ZNF407: variants seen among roughly 807,000 people sequenced by gnomAD.
ZNF407 encodes the protein zinc finger protein 407.
ZNF407 carries 17 observed loss-of-function variants against 131.2 expected under a neutral mutation model. The ratio of observed to expected loss-of-function variants is 0.13; its 90% CI spans 0.09 to 0.19. The LOEUF is 0.19. ZNF407 is among the 10% of genes least tolerant of loss of function. ZNF407 has a pLI of 1.00. For synonymous variants in ZNF407, 1,156 were observed against 1,062.0 expected, an observed-to-expected ratio of 1.09 and a Z score of -1.72; for missense variants, 2,681 against 2,830.6, an observed-to-expected ratio of 0.95 and a Z score of 1.20.
intron 8 of ZNF407, among the ~76,000 whole-genome samples, chr18:75,018,553 C>A (rs1052492251): frequency 6.6e-6 from 1 of 151,356 alleles, no homozygotes; most frequent in Non-Finnish European, 1.5e-5. Flanking sequence ...GAAATAAAGT[C>A]ATTAAGTAAC....
intron 8 of ZNF407, among the ~76,000 whole-genome samples, chr18:74,977,764 G>A (rs949547820): frequency 1.3e-5 from 2 of 152,204 alleles, no homozygotes; most frequent in Non-Finnish European, 2.9e-5. Flanking sequence ...TTTGATGTTT[G>A]TGCCAGTATG....
intron 8 of ZNF407, among the ~76,000 whole-genome samples, chr18:75,004,370 C>A (rs1337812999): frequency 6.6e-6 from 1 of 152,152 alleles, no homozygotes; most frequent in East Asian, 1.9e-4. Flanking sequence ...TATAAATTGT[C>A]GCAAGGGTCA....
intron 8 of ZNF407, among the ~76,000 whole-genome samples, chr18:74,950,769 CT>C (rs768419106): frequency 6.6e-6 from 1 of 152,232 alleles, no homozygotes; most frequent in Non-Finnish European, 1.5e-5. Context: ...CTCCCATTTT[CT>C]TGCTAATGGG....
intron 3 of ZNF407, among the ~76,000 whole-genome samples, chr18:74,662,238 CAGAA>C (rs1461822626): frequency 2.6e-5 from 4 of 152,082 alleles, no homozygotes; most frequent in Non-Finnish European, 5.9e-5. Context: ...AATGGTAACT[CAGAA>C]AGGGCTTTAA....
At chr18:75,010,995 C>G (rs1972967996) in intron 8 of ZNF407, among the ~76,000 whole-genome samples, 1 of 152,098 alleles carries the variant, frequency 6.6e-6, no homozygotes, top group South Asian at 2.1e-4. Flanking sequence ...GTGCTTTATC[C>G]CCTGTGCTTT....
intron 3 of ZNF407, among the ~76,000 whole-genome samples, chr18:74,647,278 A>G (rs138698728): frequency 2.6e-4 from 40 of 152,212 alleles, no homozygotes; most frequent in African/African-American, 9.2e-4. Flanking sequence ...CCCTGTCTTT[A>G]CAAAAAATAA....
At chr18:75,055,776 A>G (rs757808860) in intron 8 of ZNF407, among the ~76,000 whole-genome samples, 47 of 152,344 alleles carry the variant, frequency 3.1e-4, no homozygotes, top group Non-Finnish European at 5.3e-4. Context: ...AGTTGCTGCC[A>G]GTGTTAAATG....
At chr18:74,791,269 G>A (rs1191764360) in intron 4 of ZNF407, among the ~76,000 whole-genome samples, 1 of 152,118 alleles carries the variant, frequency 6.6e-6, no homozygotes, top group African/African-American at 2.4e-5. Flanking sequence ...CATTTACTAA[G>A]CTAAAAACAG....
intron 8 of ZNF407, among the ~76,000 whole-genome samples, chr18:75,014,349 C>T (rs543351328): frequency 7.4e-4 from 113 of 152,162 alleles, no homozygotes; most frequent in African/African-American, 2.6e-3. Context: ...GGTCCTTTGT[C>T]CTTTTCTCAG....
chr18:74,657,901 T>TTTC (rs58407278), intron 3 of ZNF407, among the ~76,000 whole-genome samples: 12,575 of 147,656 alleles, frequency 0.085, 558 homozygotes, highest in East Asian at 0.12. Flanking sequence ...CTCCTTTTCC[T>TTTC]TTCTTCTTCT....
At chr18:74,695,218 A>T (rs1967322491) in intron 3 of ZNF407, among the ~76,000 whole-genome samples, 1 of 152,182 alleles carries the variant, frequency 6.6e-6, no homozygotes, top group African/African-American at 2.4e-5. Context: ...TTTAGAAAAA[A>T]AATAAGTATC....
At chr18:74,980,968 G>C (rs529361716) in intron 8 of ZNF407, among the ~76,000 whole-genome samples, 5 of 152,260 alleles carry the variant, frequency 3.3e-5, no homozygotes, top group Admixed American at 3.3e-4. Context: ...TGTGATTTCA[G>C]GGTATCACAT....
At chr18:75,047,184 C>T (rs755314096) in intron 8 of ZNF407, among the ~76,000 whole-genome samples, 3 of 152,058 alleles carry the variant, frequency 2.0e-5, no homozygotes, top group Non-Finnish European at 4.4e-5. Flanking sequence ...TATTGGGAAA[C>T]GGATTATGTA....
At chr18:74,973,521 A>G (rs547580447) in intron 8 of ZNF407, among the ~76,000 whole-genome samples, 2 of 152,250 alleles carry the variant, frequency 1.3e-5, no homozygotes, top group Non-Finnish European at 2.9e-5. Flanking sequence ...TACAACAAAC[A>G]TCAATGACTG....
At chr18:74,663,344 T>TTTTTATGTC (rs1985794213) in intron 3 of ZNF407, among the ~76,000 whole-genome samples, 1 of 152,154 alleles carries the variant, frequency 6.6e-6, no homozygotes, top group South Asian at 2.1e-4. Context: ...ATTATCAATG[T>TTTTTATGTC]CTGGGATAAG....
intron 1 of ZNF407, among the ~76,000 whole-genome samples, chr18:74,620,529 AAC>A (rs1196064198): frequency 4.5e-5 from 2 of 44,652 alleles, no homozygotes; most frequent in Non-Finnish European, 1.2e-4. Flanking sequence ...TTTGAAATAT[AAC>A]ATGTGTGTCC....
chr18:74,891,364 C>T (rs1777740786), intron 7 of ZNF407, among the ~76,000 whole-genome samples: 1 of 152,168 alleles, frequency 6.6e-6, no homozygotes, highest in African/African-American at 2.4e-5. Flanking sequence ...AAATGCAGCC[C>T]ACTTTTGTTG....
intron 4 of ZNF407, among the ~76,000 whole-genome samples, chr18:74,855,991 G>A (rs1490908437): frequency 1.3e-5 from 2 of 152,216 alleles, no homozygotes; most frequent in African/African-American, 4.8e-5. Context: ...CAATAAGAGA[G>A]TCTTCCCTTT....
chr18:74,599,200 CACTT>C (rs1054563738), intron 1 of ZNF407, among the ~76,000 whole-genome samples: 5 of 152,192 alleles, frequency 3.3e-5, no homozygotes, highest in Admixed American at 3.3e-4. Context: ...AACTGAGACT[CACTT>C]TGCTATATAC....
Sources: allele counts gnomAD v4.1 joint callset (sites outside exome capture counted in the v4.1 genomes callset), GRCh38; gene constraint gnomAD v4.1.1; transcripts MANE v1.5; gene names NCBI Gene and HGNC (gene_info 2026-07-23, HGNC 2026-07-21).